USP32: variants seen among roughly 807,000 people sequenced by gnomAD.
The protein encoded by USP32 is ubiquitin carboxyl-terminal hydrolase 32.
USP32 carries 59 observed loss-of-function variants against 204.8 expected under a neutral mutation model. The ratio of observed to expected loss-of-function variants is 0.29; its 90% CI spans 0.23 to 0.36. The LOEUF is 0.36. Among genes scored for constraint, USP32 ranks in the 10% least tolerant of loss-of-function variants. The pLI, the probability that USP32 is intolerant of heterozygous loss-of-function variation, is 1.00. For missense variants in USP32, 1,160 were observed against 1,946.4 expected, an observed-to-expected ratio of 0.60 and a Z score of 7.60; for synonymous variants, 517 against 678.4, an observed-to-expected ratio of 0.76 and a Z score of 3.70.
At chr17:60,207,223 G>A (rs2084852525) in intron 24 of USP32, 91 bp from the exon 25 acceptor site, 16 of 1,492,600 alleles carry the variant, frequency 1.1e-5, no homozygotes, top group African/African-American at 1.4e-5. Context: ...GAATGTCTTA[G>A]GCGCTTTCAT....
intron 1 of USP32, among the ~76,000 whole-genome samples, chr17:60,351,457 T>C (rs1243644575): frequency 6.6e-6 from 1 of 151,372 alleles, no homozygotes; most frequent in Non-Finnish European, 1.5e-5. Flanking sequence ...TTTTTCGAGA[T>C]GGAGTCTCAC....
At chr17:60,337,550 G>GT (rs1361356734) in intron 2 of USP32, among the ~76,000 whole-genome samples, 2 of 151,924 alleles carry the variant, frequency 1.3e-5, no homozygotes, top group Non-Finnish European at 2.9e-5. Flanking sequence ...TGGGGCATAT[G>GT]TTTTTTTTAA....
intron 2 of USP32, among the ~76,000 whole-genome samples, chr17:60,308,661 C>T (rs2087784998): frequency 6.6e-6 from 1 of 152,214 alleles, no homozygotes; most frequent in African/African-American, 2.4e-5. Flanking sequence ...GATGCGGTGG[C>T]TCATGTCTGG....
At chr17:60,418,383 G>A (rs1283145408) in intron 1 of USP32, among the ~76,000 whole-genome samples, 7 of 149,214 alleles carry the variant, frequency 4.7e-5, no homozygotes, top group African/African-American at 1.2e-4. Flanking sequence ...GTGAGCCACC[G>A]TGCCTGGCCT....
chr17:60,383,022 T>C (rs2089671750), intron 1 of USP32, among the ~76,000 whole-genome samples: 1 of 151,918 alleles, frequency 6.6e-6, no homozygotes, highest in Non-Finnish European at 1.5e-5. Context: ...CCGAGGCAGG[T>C]GGATCACGAG....
At chr17:60,401,938 G>A (rs2089938766) in intron 1 of USP32, among the ~76,000 whole-genome samples, 2 of 152,088 alleles carry the variant, frequency 1.3e-5, no homozygotes, top group Non-Finnish European at 2.9e-5. Flanking sequence ...TTCCCCCACT[G>A]AGACAAACTC....
chr17:60,403,741 A>G (rs1008988719), intron 1 of USP32, among the ~76,000 whole-genome samples: 1 of 152,196 alleles, frequency 6.6e-6, no homozygotes, highest in African/African-American at 2.4e-5. Context: ...TGAAGACTAT[A>G]TACATACAGA....
Position 60,226,170 on chromosome 17 carries a change from C to T in USP32, c.1301G>A (p.Gly434Glu). 2.5e-6 allele frequency: 4 copies of T among 1,595,282 alleles called. No homozygotes were observed. The highest frequency in any genetic ancestry group is 3.4e-6 in the Non-Finnish European group (4 of 1,173,448). The change falls in exon 13 of 34, where the codon GGA (glycine) becomes GAA (glutamate). Residue 434 changes from glycine to glutamate, a missense_variant. Physicochemically the swap from Gly to Glu is moderately conservative, Grantham distance 98 (BLOSUM62 -2). This residue lies in a region of USP32 where 536 missense variants were observed against 680.9 expected (regional missense o/e 0.79). Coordinates refer to ENST00000300896, the MANE Select transcript of USP32 (RefSeq NM_032582.4). ...SVLNGGKYSF[G>E]TAAHPMEQVE... is the part of the protein sequence containing the mutation. ...CTGCTCCATAGGATGGGCTGCAGTT[C>T]CAAATGAGTATTTTCCTCCATTCAA...
chr17:60,268,401 T>C (rs564017548), intron 7 of USP32, among the ~76,000 whole-genome samples: 2 of 125,110 alleles, frequency 1.6e-5, no homozygotes, highest in African/African-American at 9.9e-5. Context: ...AGACACTATC[T>C]CTATTTAAAA....
chr17:60,186,280 C>G (rs541094955), intron 29 of USP32, among the ~76,000 whole-genome samples: 1 of 152,238 alleles, frequency 6.6e-6, no homozygotes, highest in South Asian at 2.1e-4. Flanking sequence ...TGAGCTGGCC[C>G]TCAAGCCAGG....
At chr17:60,210,665 G>T (rs1048458145) in intron 21 of USP32, among the ~76,000 whole-genome samples, 2 of 152,200 alleles carry the variant, frequency 1.3e-5, no homozygotes, top group Non-Finnish European at 2.9e-5. Flanking sequence ...GGATTGGATT[G>T]GATGTAATTA....
chr17:60,273,156 A>T (rs2086762209), intron 5 of USP32, among the ~76,000 whole-genome samples: 1 of 152,128 alleles, frequency 6.6e-6, no homozygotes, highest in African/African-American at 2.4e-5. Context: ...TATTTTTAGT[A>T]GAGATGGAGT....
At chr17:60,381,539 G>A (rs1313471247) in intron 1 of USP32, among the ~76,000 whole-genome samples, 1 of 151,680 alleles carries the variant, frequency 6.6e-6, no homozygotes, top group Non-Finnish European at 1.5e-5. Context: ...TCTTTGAAAT[G>A]CACCTCTAGT....
At chr17:60,258,397 G>A (rs1598154709) in intron 9 of USP32, 1 of 171,730 alleles carries the variant, frequency 5.8e-6, no homozygotes, top group East Asian at 1.8e-4. Context: ...CAAGAAGAAA[G>A]GGAAGGTCTT....
At chr17:60,409,726 G>T (rs936118299) in intron 1 of USP32, among the ~76,000 whole-genome samples, 2 of 152,198 alleles carry the variant, frequency 1.3e-5, no homozygotes, top group Non-Finnish European at 2.9e-5. Flanking sequence ...GGAATTTATA[G>T]TTTGAAAGAG....
At chr17:60,222,571 A>G in intron 14 of USP32, 22 bp from the exon 15 acceptor site, 1 of 1,606,784 alleles carries the variant, frequency 6.2e-7, no homozygotes, top group Non-Finnish European at 8.5e-7. Flanking sequence ...TAGAATGACA[A>G]TGTTGACTTT....
intron 2 of USP32, among the ~76,000 whole-genome samples, chr17:60,339,209 C>T (rs1464488713): frequency 6.6e-6 from 1 of 151,960 alleles, no homozygotes; most frequent in Non-Finnish European, 1.5e-5. Context: ...CCGCGCCCAG[C>T]CTAGAAGAAC....
intron 1 of USP32, among the ~76,000 whole-genome samples, chr17:60,387,988 A>C (rs1469936899): frequency 6.6e-6 from 1 of 152,158 alleles, no homozygotes; most frequent in Admixed American, 6.5e-5. Context: ...TTGTCTATAT[A>C]CACTTAGTGG....
intron 2 of USP32, among the ~76,000 whole-genome samples, chr17:60,303,434 G>C (rs1033785835): frequency 6.6e-6 from 1 of 151,894 alleles, no homozygotes; most frequent in Non-Finnish European, 1.5e-5. Context: ...GGACTACAGA[G>C]AATGTCTTTG....
Sources: gnomAD v4.1 joint callset for allele counts (sites outside exome capture counted in the v4.1 genomes callset) on GRCh38, gnomAD v4.1.1 for gene constraint, gnomAD v4.1.1 regional missense constraint, MANE v1.5 for transcripts, NCBI Gene and HGNC (gene_info 2026-07-23, HGNC 2026-07-21) for gene names.